Variants in CHRDL1 observed in about 807,000 individuals in gnomAD.
CHRDL1 encodes chordin-like protein 1.
A neutral mutation model predicts 40.9 loss-of-function variants in CHRDL1; 19 were observed. That is an observed-to-expected ratio of 0.46 (90% CI 0.32 to 0.68). CHRDL1 has a LOEUF of 0.68. Ranked by LOEUF, CHRDL1 falls within the 30% of genes least tolerant of loss-of-function variation. CHRDL1 has a pLI of 0.03. For synonymous variants in CHRDL1, 136 were observed against 123.4 expected, an observed-to-expected ratio of 1.10 and a Z score of -0.68; for missense variants, 329 against 352.1, an observed-to-expected ratio of 0.93 and a Z score of 0.53.
chrX:110,765,900 A>G (rs780921379), intron 2 of CHRDL1, among the ~76,000 whole-genome samples: 4 of 111,910 alleles, frequency 3.6e-5, no homozygotes, highest in Non-Finnish European at 7.5e-5. Context: ...TACACATTCT[A>G]TTCAACAGAG....
At chrX:110,676,753 C>T (rs745749874) in intron 11 of CHRDL1, among the ~76,000 whole-genome samples, 6 of 111,329 alleles carry the variant, frequency 5.4e-5, no homozygotes, top group South Asian at 3.8e-4. Flanking sequence ...CTTTGGAAAA[C>T]GGCACCTACT....
intron 4 of CHRDL1, among the ~76,000 whole-genome samples, chrX:110,747,419 C>CAG (rs2089277017): frequency 9.3e-6 from 1 of 107,868 alleles, no homozygotes; most frequent in Non-Finnish European, 1.9e-5. Flanking sequence ...AACACACACA[C>CAG]ACACACACAC....
chrX:110,794,504 T>A (rs1008995527), intron 1 of CHRDL1, among the ~76,000 whole-genome samples: 2 of 112,038 alleles, frequency 1.8e-5, no homozygotes, highest in Admixed American at 1.9e-4. Flanking sequence ...ATGGGAGAGT[T>A]CCTGTGTTTT....
intron 6 of CHRDL1, among the ~76,000 whole-genome samples, chrX:110,714,405 T>C (rs1178475665): frequency 7.1e-5 from 8 of 112,205 alleles, no homozygotes; most frequent in Non-Finnish European, 1.3e-4. Flanking sequence ...TGGAATACTA[T>C]GCAGCCATAA....
intron 6 of CHRDL1, among the ~76,000 whole-genome samples, chrX:110,712,532 G>T (rs971217816): frequency 9.0e-6 from 1 of 111,142 alleles, no homozygotes; most frequent in Non-Finnish European, 1.9e-5. Context: ...GAAAAATTCA[G>T]ATTGGATAAT....
rs1367581418 is a variant in CHRDL1, at chrX:110,679,432, C to A, written c.1157-7G>T. The A allele has an allele frequency of 2.6e-6, 3 of 1,167,132 alleles. No homozygotes were observed. The highest frequency in any genetic ancestry group is 1.8e-5 in the African/African-American group (1 of 56,313). ...TGGAAGTGCTGGAGAATGCCTAGGG[C>A]CAAGCAAAAAGTGGAGCAAATGGTC... On this transcript the variant is annotated splice_region_variant and splice_polypyrimidine_tract_variant and intron_variant, in intron 10 of 11. Coordinates refer to ENST00000372042, the MANE Select transcript of CHRDL1 (RefSeq NM_001143981.2).
chrX:110,698,104 G>A lies in CHRDL1; in HGVS notation c.609+2550C>T, dbSNP rs144482516. ...TTGAACAGAGGTTTTGCTGGTTCCC[G>A]GTAAATAGGAACAGTTTACGAAAAG... On this transcript the variant is annotated intron_variant, in intron 7 of 11. Coordinates refer to ENST00000372042, the MANE Select transcript of CHRDL1 (RefSeq NM_001143981.2). Among the ~76,000 whole-genome samples the A allele has an allele frequency of 4.3e-4, 48 of 111,120 alleles. 1 individual carries two copies. The highest frequency in any genetic ancestry group is 1.5e-3 in the African/African-American group (46 of 30,418).
intron 4 of CHRDL1, among the ~76,000 whole-genome samples, chrX:110,749,768 C>T (rs963333385): frequency 8.9e-6 from 1 of 111,975 alleles, no homozygotes; most frequent in Non-Finnish European, 1.9e-5. Flanking sequence ...AATTGCTTAT[C>T]TTAGTGGCTG....
intron 2 of CHRDL1, among the ~76,000 whole-genome samples, chrX:110,771,419 T>C (rs1299788478): frequency 8.9e-6 from 1 of 111,964 alleles, no homozygotes; most frequent in African/African-American, 3.2e-5. Context: ...AGAACATAGA[T>C]GCAAAAATTC....
At chrX:110,677,933 G>A (rs752787805) in intron 11 of CHRDL1, among the ~76,000 whole-genome samples, 1 of 111,099 alleles carries the variant, frequency 9.0e-6, no homozygotes, top group Admixed American at 9.6e-5. Context: ...TTCTCTCTTT[G>A]ATGCTGATCT....
chrX:110,683,559 A>C (rs928081994), intron 9 of CHRDL1, among the ~76,000 whole-genome samples: 4 of 112,262 alleles, frequency 3.6e-5, no homozygotes, highest in African/African-American at 1.3e-4. Context: ...GTATGTAATT[A>C]TGGAAATTCA....
At chrX:110,691,925 CTTT>C (rs376931792) in intron 8 of CHRDL1, among the ~76,000 whole-genome samples, 1 of 101,655 alleles carries the variant, frequency 9.8e-6, no homozygotes, top group Non-Finnish European at 2.0e-5. Context: ...GCCCTTACCT[CTTT>C]TTTTTTTTTT....
In CHRDL1 at chrX:110,753,378, T is replaced by C. The variant is rs1021544114; in HGVS notation, c.301+6283A>G. 9.8e-5 allele frequency among the ~76,000 whole-genome samples: 11 copies of C among 112,019 alleles called. No individual in the cohort carries two copies. In the Admixed American group the frequency reaches 1.0e-3, roughly 11 times the overall value. On this transcript the variant is annotated intron_variant, in intron 4 of 11. Coordinates refer to ENST00000372042, the MANE Select transcript of CHRDL1 (RefSeq NM_001143981.2). ...GCAAATCCATAGAGAAGTAGATTCA[T>C]GGTTACCAGGGGCTAGGGGAAAAGG...
chrX:110,690,107 G>A (rs59493326), intron 8 of CHRDL1, among the ~76,000 whole-genome samples: 15,492 of 55,927 alleles, frequency 0.28, 3,701 homozygotes, highest in African/African-American at 0.67. Context: ...GTGCAGTGGC[G>A]CTATCTCGGC....
chrX:110,761,143 T>C (rs1340248255), intron 3 of CHRDL1, among the ~76,000 whole-genome samples: 1 of 111,630 alleles, frequency 9.0e-6, no homozygotes, highest in Non-Finnish European at 1.9e-5. Flanking sequence ...ATCAGAACCA[T>C]ATGAAATGGT....
intron 5 of CHRDL1, among the ~76,000 whole-genome samples, chrX:110,720,357 C>G: frequency 8.9e-6 from 1 of 111,884 alleles, no homozygotes; most frequent in African/African-American, 3.3e-5. Context: ...ACCAAAGGAA[C>G]AAGCTCTCTG....
intron 7 of CHRDL1, 133 bp from the exon 8 acceptor site, chrX:110,694,464 C>T: frequency 4.6e-6 from 2 of 430,118 alleles, no homozygotes; most frequent in Non-Finnish European, 7.5e-6. Flanking sequence ...TGCTTACCTA[C>T]ACCAATAGAA....
intron 4 of CHRDL1, among the ~76,000 whole-genome samples, chrX:110,730,888 A>AT (rs1331834710): frequency 8.9e-6 from 1 of 111,956 alleles, no homozygotes; most frequent in Non-Finnish European, 1.9e-5. Context: ...AGGATTTAAT[A>AT]TTTTTTAGTT....
At chrX:110,726,283 G>A (rs1293816079) in intron 4 of CHRDL1, among the ~76,000 whole-genome samples, 1 of 111,281 alleles carries the variant, frequency 9.0e-6, no homozygotes, top group Non-Finnish European at 1.9e-5. Context: ...TAGGAGATGG[G>A]GCCTTTGGGA....
Sources: gnomAD v4.1 joint callset for allele counts (sites outside exome capture counted in the v4.1 genomes callset) on GRCh38, gnomAD v4.1.1 for gene constraint, MANE v1.5 for transcripts, NCBI Gene and HGNC (gene_info 2026-07-23, HGNC 2026-07-21) for gene names.